The following ADH4 variants were observed in gnomAD, a reference collection of about 807,000 sequenced individuals.
ADH4 encodes alcohol dehydrogenase 4 (class II), pi polypeptide.
ADH4 carries 31 observed loss-of-function variants against 35.2 expected under a neutral mutation model. The observed-to-expected ratio is 0.88, with a 90% confidence interval of 0.66 to 1.19. ADH4 has a LOEUF of 1.19. Among genes scored for constraint, ADH4 ranks in the 50% most tolerant of loss-of-function variants. The probability of loss-of-function intolerance (pLI) is 0.00; values close to 1 mark genes in which losing one functional copy is unlikely to be tolerated. For synonymous variants in ADH4, 171 were observed against 160.2 expected (o/e 1.07, Z -0.51); for missense variants, 476 against 458.3 (o/e 1.04, Z -0.35).
At position 99,142,700 on chromosome 4, in the gene ADH4, C is replaced by T; in HGVS notation, c.99G>A (p.Lys33=). The change falls in exon 2 of 9, where the codon AAG becomes AAA. Residue 33 remains lysine, a synonymous_variant. Coordinates refer to ENST00000265512, the MANE Select transcript of ADH4 (RefSeq NM_000670.5). ...TTACCTGAATGCGAACTTCATGAGCCTTGGGGGGAGCTACTTCAACCTCTT... is the reference window on the plus strand; with the variant it reads ...TTACCTGAATGCGAACTTCATGAGCTTTGGGGGGAGCTACTTCAACCTCTT... ...CIEEVEVAPP[K]AHEVRIQIIA... 1 of 1,598,004 alleles carries T rather than the reference C, an allele frequency of 6.3e-7. No individual in the cohort carries two copies. Among genetic ancestry groups the T allele is most frequent in the Non-Finnish European group, 8.5e-7 (1 of 1,173,942 alleles).
intron 1 of ADH4, chr4:99,143,082 G>A (rs2213035): frequency 0.23 from 158,064 of 693,344 alleles, 21,072 homozygotes; most frequent in Non-Finnish European, 0.29. Context: ...CTATAACAGA[G>A]AGAATAGATT....
At chr4:99,133,393 A>C (rs529876997) in intron 5 of ADH4, among the ~76,000 whole-genome samples, 2 of 152,356 alleles carry the variant, frequency 1.3e-5, no homozygotes, top group African/African-American at 4.8e-5. Context: ...ATACAAGCAC[A>C]TCAAAAAGAA....
intron 7 of ADH4, 86 bp downstream of exon 7, chr4:99,127,123 T>C: frequency 8.5e-7 from 1 of 1,169,812 alleles, no homozygotes; most frequent in Non-Finnish European, 1.2e-6. Context: ...ATAAATTATT[T>C]TTATTTCTTT....
chr4:99,138,961 G>A (rs1729527939), intron 4 of ADH4, 100 bp downstream of exon 4: 1 of 749,442 alleles, frequency 1.3e-6, no homozygotes, highest in Admixed American at 2.7e-5. Context: ...ATTAGTGGGT[G>A]GAAGGTTTGC....
intron 6 of ADH4, among the ~76,000 whole-genome samples, chr4:99,130,796 A>T (rs1340243784): frequency 6.6e-6 from 1 of 151,916 alleles, no homozygotes; most frequent in Non-Finnish European, 1.5e-5. Context: ...ACAACGAAAA[A>T]CCCCTCAGGA....
Position 99,141,582 on chromosome 4 carries a change from A to G in ADH4, c.221T>C (p.Ile74Thr), listed in dbSNP as rs751276332. The change falls in exon 3 of 9, where the codon ATT becomes ACT. Residue 74 changes from isoleucine (I) to threonine (T), a missense_variant. Transcript: ENST00000265512. ...CACTCCTGGCCCAATACTTTCCACA[A>G]TACCTGCAGCCTCATGGCCAACGAT... ...PVIVGHEAAG[I>T]VESIGPGVTN... 5 of 1,614,156 alleles carry G rather than the reference A, an allele frequency of 3.1e-6. No individual in the cohort carries two copies. The highest frequency in any genetic ancestry group is 4.2e-6 in the Non-Finnish European group (5 of 1,180,014).
Position 99,144,256 on chromosome 4 carries a change from C to A in ADH4, c.-34G>T, listed in dbSNP as rs1170315737. 3 of 1,610,302 alleles carry A rather than the reference C, an allele frequency of 1.9e-6. No individual in the cohort carries two copies. Among genetic ancestry groups the A allele is most frequent in the Admixed American group, 1.7e-5 (1 of 60,018 alleles). On this transcript the variant is annotated 5_prime_UTR_variant, in exon 1 of 9. Coordinates refer to ENST00000265512, the MANE Select transcript of ADH4 (RefSeq NM_000670.5). The stretch of plus-strand genomic sequence containing the variant: ...GGGAAACTGTGTTGGAAGTTTCTTT[C>A]TGAGTTAAGAAAGCTTCAAACTCCT...
At chr4:99,142,899 C>T in intron 1 of ADH4, 119 bp from the exon 2 acceptor site, 3 of 638,898 alleles carry the variant, frequency 4.7e-6, no homozygotes, top group Non-Finnish European at 7.9e-6. Flanking sequence ...AATTTCATGA[C>T]AAAGAGTTAA....
At chr4:99,129,510 G>T (rs1729208658) in intron 6 of ADH4, among the ~76,000 whole-genome samples, 1 of 152,050 alleles carries the variant, frequency 6.6e-6, no homozygotes, top group Non-Finnish European at 1.5e-5. Flanking sequence ...TTACAGTATT[G>T]ATTTGCTCTT....
chr4:99,128,770 A>T (rs555436022), intron 6 of ADH4, among the ~76,000 whole-genome samples: 5 of 151,582 alleles, frequency 3.3e-5, no homozygotes, highest in African/African-American at 1.2e-4. Context: ...GTTACTAGGA[A>T]TAAGAATTCT....
At chr4:99,133,566 T>C (rs1729350344) in intron 5 of ADH4, 1 of 152,340 alleles carries the variant, frequency 6.6e-6, no homozygotes, top group Non-Finnish European at 1.5e-5. Flanking sequence ...TTCATTTCTC[T>C]CTGAGGATCT....
chr4:99,139,183 A>G, intron 3 of ADH4, 35 bp from the exon 4 acceptor site: 2 of 1,434,712 alleles, frequency 1.4e-6, no homozygotes. Flanking sequence ...ATGGTGCCTA[A>G]GGTGTTACTT....
chr4:99,126,449 C>G, intron 8 of ADH4, 145 bp downstream of exon 8: 1 of 685,858 alleles, frequency 1.5e-6, no homozygotes. Flanking sequence ...TCTGAAATGA[C>G]CACTATTTAA....
chr4:99,125,185 G>A (rs1309624959), intron 8 of ADH4, among the ~76,000 whole-genome samples: 2 of 152,154 alleles, frequency 1.3e-5, no homozygotes, highest in Non-Finnish European at 2.9e-5. Context: ...TGGTAGGAGG[G>A]CCTGCCCTCT....
chr4:99,142,762 C>G lies in ADH4; in HGVS notation c.37G>C (p.Ala13Pro). Residue 13 changes from alanine (A) to proline (P), a missense_variant, in exon 2 of 9, where the codon GCC becomes CCC. Ala to Pro is a conservative substitution (Grantham distance 27). Transcript: ENST00000265512. ...TKGKVIKCKA[A>P]IAWEAGKPLC... ...GGCTTGCCTGCTTCCCAGGCGATGG[C>G]TGCTTTGCATTTAATAACCTGAAAG... The G allele has an allele frequency of 1.9e-6, 3 of 1,601,748 alleles. No individual in the cohort carries two copies. The highest frequency in any genetic ancestry group is 2.6e-6 in the Non-Finnish European group (3 of 1,175,212).
At chr4:99,125,606 A>G (rs527682523) in intron 8 of ADH4, among the ~76,000 whole-genome samples, 3 of 152,328 alleles carry the variant, frequency 2.0e-5, no homozygotes, top group South Asian at 4.1e-4. Context: ...GGGCTTATAT[A>G]CTAAGTTTAC....
chr4:99,143,055 G>A (rs1159898819), intron 1 of ADH4: 1 of 671,476 alleles, frequency 1.5e-6, no homozygotes, highest in Admixed American at 2.1e-5. Flanking sequence ...TTGATATAAT[G>A]TCTCAAGTTT....
chr4:99,143,511 A>T lies in ADH4; in HGVS notation c.18+694T>A, dbSNP rs1200393025. ...AGCCTCAAATTATATTTTTAATTTC[A>T]AATATAAGCAACATTGAAAGAAAGT... is the stretch of plus-strand genomic sequence containing the variant. On this transcript the variant is annotated intron_variant, in intron 1 of 8. Coordinates refer to ENST00000265512, the MANE Select transcript of ADH4 (RefSeq NM_000670.5). 6 of 272,794 alleles carry T rather than the reference A, an allele frequency of 2.2e-5. No individual in the cohort carries two copies. In the Admixed American group the frequency reaches 2.8e-4, roughly 13 times the overall value. The allele number at this position is 272,794 out of a possible 1,614,324, so 16.9% of individuals were successfully genotyped here.
intron 4 of ADH4, among the ~76,000 whole-genome samples, chr4:99,137,575 T>C (rs566334010): frequency 2.6e-5 from 4 of 152,328 alleles, no homozygotes; most frequent in African/African-American, 9.6e-5. Context: ...GAACAAACTT[T>C]CATTGAATGC....
Sources: gnomAD v4.1 joint callset for allele counts (sites outside exome capture counted in the v4.1 genomes callset) on GRCh38, gnomAD v4.1.1 for gene constraint, MANE v1.5 for transcripts, NCBI Gene and HGNC (gene_info 2026-07-23, HGNC 2026-07-21) for gene names.